Variants in RIF1 observed in about 807,000 individuals in gnomAD.
RIF1 encodes replication timing regulatory factor 1, also known as telomere-associated protein RIF1.
Under a neutral mutation model 247.1 loss-of-function variants are expected in RIF1, and 45 were observed. The observed-to-expected ratio is 0.18, with a 90% CI of 0.14 to 0.23. The LOEUF (loss-of-function observed/expected upper bound fraction) is 0.23. Among genes scored for constraint, RIF1 ranks in the 10% least tolerant of loss-of-function variants. The probability of loss-of-function intolerance (pLI) is 1.00; values close to 1 mark genes in which losing one functional copy is unlikely to be tolerated. For synonymous variants in RIF1, 1,087 were observed against 978.8 expected (o/e 1.11, Z -2.06); for missense variants, 2,967 against 2,862.5 (o/e 1.04, Z -0.83).
At chr2:151,496,208 T>TATTA in intron 10 of RIF1, 5 of 1,407,436 alleles carry the variant, frequency 3.6e-6, no homozygotes, top group Admixed American at 2.0e-5. Context: ...GATTAATATG[T>TATTA]ATTATTTTAA....
At chr2:151,512,760 G>A (rs2075484214), downstream of RIF1, 1 of 1,613,638 alleles carries the variant, frequency 6.2e-7, no homozygotes. Context: ...TGACTTGTTG[G>A]GCATGAATGA....
In RIF1 at chr2:151,465,396, T is replaced by G; in HGVS notation, c.5876T>G (p.Leu1959Arg). The G allele has an allele frequency of 6.2e-7, 1 of 1,613,516 alleles. No homozygotes were observed. Among genetic ancestry groups the G allele is most frequent in the Non-Finnish European group, 8.5e-7 (1 of 1,179,774 alleles). Reference sequence around the variant, plus strand: ...GACTCTGAAGCAGACACAGCTAAACTGAATGCCAAAGAAGTAGCAACTGAG... The same window carrying G: ...GACTCTGAAGCAGACACAGCTAAACGGAATGCCAAAGAAGTAGCAACTGAG... ...NDDSEADTAKLNAKEVATEEF... is the reference protein window; with the variant it reads ...NDDSEADTAKRNAKEVATEEF... The change falls in exon 30 of 36, where the codon CTG (leucine) becomes CGG (arginine). Residue 1959 changes from leucine (L) to arginine (R), a missense_variant. Physicochemically the swap from Leu to Arg is moderately radical, Grantham distance 102. Transcript: ENST00000444746.
chr2:151,441,841 C>T (rs75978332), intron 15 of RIF1, 64 bp from the exon 16 acceptor site: 12,419 of 715,534 alleles, frequency 0.017, 180 homozygotes, highest in Non-Finnish European at 0.023. Flanking sequence ...ATAGTTAACA[C>T]TCAGATTTTT....
chr2:151,439,567 G>T (rs562323818), intron 14 of RIF1, among the ~76,000 whole-genome samples: 98 of 151,738 alleles, frequency 6.5e-4, no homozygotes, highest in Non-Finnish European at 1.1e-3. Context: ...TACTCAGGAG[G>T]CTGAGGCAGG....
At chr2:151,493,322 T>C in intron 9 of RIF1, 1 of 1,480,222 alleles carries the variant, frequency 6.8e-7, no homozygotes. Flanking sequence ...TCCAAGTTGT[T>C]GCACTATTTC....
In RIF1 at chr2:151,502,793, C is replaced by T. The variant is rs558657964; in HGVS notation, c.*710-241C>T. 18 of 1,578,798 alleles carry T rather than the reference C, an allele frequency of 1.1e-5. No homozygotes were observed. The South Asian group carries it at 1.8e-4, about 16-fold the overall frequency. On this transcript the variant is annotated intron_variant and NMD_transcript_variant, in intron 11 of 13. Coordinates refer to the RIF1 transcript ENST00000454583. ...TTTTTTTTGGCCCCCTAAGAAATAC[C>T]GAGCTAAAGTTCTCTTGATTGCGTT... is the stretch of plus-strand genomic sequence containing the variant.
chr2:151,456,755 A>G (rs1375677860), intron 23 of RIF1, 135 bp downstream of exon 23: 4 of 527,266 alleles, frequency 7.6e-6, no homozygotes, highest in East Asian at 3.5e-5. Context: ...TCCTGGAGAC[A>G]GCATTTTGCT....
intron 9 of RIF1, chr2:151,493,488 A>G: frequency 7.5e-7 from 1 of 1,337,722 alleles, no homozygotes; most frequent in Non-Finnish European, 1.0e-6. Context: ...ACAGCAGAAA[A>G]CCAGGTCTGA....
chr2:151,442,715 C>A (rs1329796423), intron 16 of RIF1, among the ~76,000 whole-genome samples: 1 of 149,280 alleles, frequency 6.7e-6, no homozygotes, highest in East Asian at 2.0e-4. Flanking sequence ...TCTCATAATT[C>A]CTTGATTTTC....
Position 151,422,981 on chromosome 2 carries a change from T to A in RIF1, c.725T>A (p.Met242Lys). 3.1e-6 allele frequency: 5 copies of A among 1,590,766 alleles called. No homozygotes were observed. Among genetic ancestry groups the A allele is most frequent in the Non-Finnish European group, 4.3e-6 (5 of 1,161,202 alleles). The change falls in exon 8 of 36, where the codon ATG becomes AAG. Residue 242 changes from methionine (M) to lysine (K), a missense_variant. Met to Lys is a moderately conservative substitution (Grantham distance 95). Transcript: ENST00000444746. The part of the protein sequence containing the change: ...KLISELQKLF[M>K]SKNETYVLKL... ...ATCTCAGAACTTCAGAAGCTATTTA[T>A]GAGTAAAAATGAGACTTACGTGTTA...
chr2:151,436,001 A>G (rs1339263195), intron 11 of RIF1, among the ~76,000 whole-genome samples: 3 of 152,088 alleles, frequency 2.0e-5, no homozygotes, highest in Non-Finnish European at 4.4e-5. Flanking sequence ...AGCCCAGCAG[A>G]TCACTTGAGG....
In RIF1 at chr2:151,464,239, A is replaced by G. The variant is rs747972710; in HGVS notation, c.4719A>G (p.Lys1573=). The stretch of plus-strand genomic sequence containing the variant: ...GGAAGAAGAGATCTGGAAAATGGAA[A>G]AACAAAAGCAATGAAAGTGTTGACA... The part of the protein sequence containing the change: ...GSRKKRSGKW[K]NKSNESVDIQ... Residue 1573 remains lysine, a synonymous_variant, in exon 30 of 36, where the codon AAA becomes AAG. Coordinates refer to ENST00000444746, the MANE Select transcript of RIF1 (RefSeq NM_018151.5). The G allele has an allele frequency of 1.2e-6, 2 of 1,613,970 alleles. No individual in the cohort carries two copies. The highest frequency in any genetic ancestry group is 1.7e-5 in the Admixed American group (1 of 60,008).
intron 11 of RIF1, among the ~76,000 whole-genome samples, chr2:151,502,616 AAC>A (rs1250194695): frequency 1.3e-5 from 2 of 152,292 alleles, no homozygotes; most frequent in African/African-American, 2.4e-5. Flanking sequence ...TTTTAGAGAA[AAC>A]ACAGTTAAAA....
chr2:151,461,172 G>T lies in RIF1; in HGVS notation c.3110G>T (p.Gly1037Val). The T allele has an allele frequency of 6.2e-7, 1 of 1,612,690 alleles. No homozygotes were observed. The highest frequency in any genetic ancestry group is 1.1e-5 in the South Asian group (1 of 90,530). Residue 1037 changes from glycine to valine, a missense_variant, in exon 27 of 36, where the codon GGT becomes GTT. Gly to Val is a moderately radical substitution (Grantham distance 109). Coordinates refer to ENST00000444746, the MANE Select transcript of RIF1 (RefSeq NM_018151.5). ...KLESSSLKVK[G>V]EILLEEEKST... ...GAATCTTCGTCTTTAAAAGTAAAGG[G>T]TGAAATTCTTTTGGAAGAGGAAAAG...
At chr2:151,503,229 C>T (rs1012649001) in intron 12 of RIF1, 59 of 744,244 alleles carry the variant, frequency 7.9e-5, no homozygotes, top group South Asian at 3.4e-4. Flanking sequence ...GGTAATAATA[C>T]ACAACACACA....
Position 151,435,482 on chromosome 2 carries a change from A to G in RIF1, c.1097A>G (p.Gln366Arg), listed in dbSNP as rs1316010597. 1.2e-6 allele frequency: 2 copies of G among 1,609,524 alleles called. No homozygotes were observed. Among genetic ancestry groups the G allele is most frequent in the East Asian group, 2.2e-5 (1 of 44,814 alleles). Reference sequence around the variant, plus strand: ...CCATAGGTTTGTGTGCCTCTGATTCAAAGTACAATAAGCATTGATTCTAAT... The same window carrying G: ...CCATAGGTTTGTGTGCCTCTGATTCGAAGTACAATAAGCATTGATTCTAAT... Reference protein sequence around the residue: ...NFEQVCVPLIQSTISIDSNAS... With the variant: ...NFEQVCVPLIRSTISIDSNAS... Residue 366 changes from glutamine (Q) to arginine (R), a missense_variant, in exon 11 of 36, where the codon CAA becomes CGA. Transcript: ENST00000444746.
In RIF1 at chr2:151,478,774, A is replaced by G. The variant is rs2049049849; in HGVS notation, c.*3703A>G. On this transcript the variant is annotated 3_prime_UTR_variant, in exon 36 of 36. Transcript: ENST00000444746. ...GACTTTAATTCAGTAAGAAAGGCCT[A>G]GGTTTCATCTCATATTCTTCATAAT... The G allele has an allele frequency of 6.6e-6, 1 of 152,168 alleles. No homozygotes were observed. Among genetic ancestry groups the G allele is most frequent in the Non-Finnish European group, 1.5e-5 (1 of 68,038 alleles). The allele number at this position is 152,168 out of a possible 1,614,324, so 9.4% of individuals were successfully genotyped here.
At chr2:151,504,691 G>GTCTT (rs1161025302) in intron 12 of RIF1, among the ~76,000 whole-genome samples, 1 of 152,154 alleles carries the variant, frequency 6.6e-6, no homozygotes, top group African/African-American at 2.4e-5. Context: ...ACTTCACATA[G>GTCTT]TCTTTTGCTA....
chr2:151,513,923 T>G, the RIF1 span, among the ~76,000 whole-genome samples: 5 of 152,208 alleles, frequency 3.3e-5, no homozygotes, highest in Non-Finnish European at 7.3e-5. Flanking sequence ...GAGGTCTCCT[T>G]TTGAATACTT....
Sources: allele counts gnomAD v4.1 joint callset (sites outside exome capture counted in the v4.1 genomes callset), GRCh38; gene constraint gnomAD v4.1.1; transcripts MANE v1.5; gene names NCBI Gene and HGNC (gene_info 2026-07-23, HGNC 2026-07-21).